FABP12: variants seen among roughly 807,000 people sequenced by gnomAD.
The protein encoded by FABP12 is fatty acid-binding protein 12.
FABP12 carries 19 observed loss-of-function variants against 13.7 expected under a neutral mutation model. The ratio of observed to expected loss-of-function variants is 1.39; its 90% CI spans 0.97 to 2.04. The LOEUF (loss-of-function observed/expected upper bound fraction) is 2.04. Ranked by LOEUF, FABP12 falls within the 30% of genes most tolerant of loss-of-function variation. The probability of loss-of-function intolerance (pLI) is 0.00; values close to 1 mark genes in which losing one functional copy is unlikely to be tolerated. For missense variants in FABP12, 182 were observed against 164.2 expected (o/e 1.11, Z -0.59); for synonymous variants, 61 against 57.0 (o/e 1.07, Z -0.32).
At chr8:81,574,689 T>C (rs1810002049) in intron 1 of FABP12, among the ~76,000 whole-genome samples, 1 of 152,190 alleles carries the variant, frequency 6.6e-6, no homozygotes. Context: ...GCATTGTATT[T>C]TTCCAGGAAT....
At chr8:81,525,041 A>C (rs1198792171) in exon 5 of FABP12, 1 of 1,585,608 alleles carries the variant, frequency 6.3e-7, no homozygotes, top group Non-Finnish European at 8.6e-7. Context: ...CAGCTTGAGA[A>C]AGCCTTAAGA....
chr8:81,548,362 C>T (rs1380120114), intron 1 of FABP12, among the ~76,000 whole-genome samples: 2 of 152,062 alleles, frequency 1.3e-5, no homozygotes, highest in Non-Finnish European at 2.9e-5. Context: ...ATAAATAGAA[C>T]ACACTTAGAA....
chr8:81,530,009 AT>A (rs1392345316), intron 2 of FABP12, among the ~76,000 whole-genome samples: 2 of 152,154 alleles, frequency 1.3e-5, no homozygotes, highest in Non-Finnish European at 2.9e-5. Context: ...TTTGGTATGG[AT>A]TTTGCCAGAT....
chr8:81,548,434 G>C (rs1809473915), intron 1 of FABP12, among the ~76,000 whole-genome samples: 1 of 152,166 alleles, frequency 6.6e-6, no homozygotes, highest in Non-Finnish European at 1.5e-5. Context: ...CAAAGTGTTG[G>C]AGTTTACAAA....
chr8:81,552,837 G>T (rs528541115), intron 1 of FABP12, among the ~76,000 whole-genome samples: 2 of 152,214 alleles, frequency 1.3e-5, no homozygotes, highest in South Asian at 4.2e-4. Flanking sequence ...TTTTGGGCTT[G>T]GGAAACTGAG....
chr8:81,541,325 T>A (rs1201089206), intron 1 of FABP12, among the ~76,000 whole-genome samples: 3 of 152,190 alleles, frequency 2.0e-5, no homozygotes, highest in Non-Finnish European at 4.4e-5. Flanking sequence ...TTCAAAAGAT[T>A]TCTTTGGTGA....
intron 1 of FABP12, among the ~76,000 whole-genome samples, chr8:81,551,648 T>A (rs1462140434): frequency 1.3e-5 from 2 of 152,132 alleles, no homozygotes; most frequent in African/African-American, 4.8e-5. Context: ...CAAGAGACAC[T>A]TAAACCAAAA....
intron 1 of FABP12, among the ~76,000 whole-genome samples, chr8:81,550,575 G>A (rs1809508860): frequency 2.0e-5 from 3 of 152,130 alleles, no homozygotes; most frequent in Non-Finnish European, 2.9e-5. Context: ...GTTGGGTAAG[G>A]ATATGGTGAG....
intron 1 of FABP12, among the ~76,000 whole-genome samples, chr8:81,571,446 C>T (rs2130074524): frequency 6.6e-6 from 1 of 152,366 alleles, no homozygotes; most frequent in South Asian, 2.1e-4. Flanking sequence ...GCACAGGGGA[C>T]GCACTGCTGC....
chr8:81,534,672 G>C (rs1361824237), upstream of FABP12, among the ~76,000 whole-genome samples: 1 of 152,192 alleles, frequency 6.6e-6, no homozygotes, highest in South Asian at 2.1e-4. Context: ...TATGTAACAG[G>C]TGGCTCATGC....
At chr8:81,565,906 A>G (rs1277354250) in intron 1 of FABP12, among the ~76,000 whole-genome samples, 1 of 152,052 alleles carries the variant, frequency 6.6e-6, no homozygotes, top group Non-Finnish European at 1.5e-5. Context: ...AAATATTAAT[A>G]AAATCAACAA....
In FABP12 at chr8:81,544,117, T is replaced by C. The variant is rs371955216; in HGVS notation, c.-184-4374A>G. The stretch of plus-strand genomic sequence containing the variant: ...AGGTACAGAACTATGGGGAAAACTA[T>C]CATATAAGGAGGCATCAGAATAACA... On this transcript the variant is annotated intron_variant, in intron 1 of 5. Transcript: ENST00000692030. 1.5e-4 allele frequency among the ~76,000 whole-genome samples: 23 copies of C among 152,212 alleles called. No individual in the cohort carries two copies. In the South Asian group the frequency reaches 2.7e-3, roughly 18 times the overall value.
chr8:81,544,965 C>T (rs1809411606), intron 1 of FABP12, among the ~76,000 whole-genome samples: 1 of 152,148 alleles, frequency 6.6e-6, no homozygotes, highest in Non-Finnish European at 1.5e-5. Flanking sequence ...GATTTTATGG[C>T]CAATGGCGTA....
intron 1 of FABP12, among the ~76,000 whole-genome samples, chr8:81,587,661 G>A (rs927084495): frequency 6.6e-6 from 1 of 151,948 alleles, no homozygotes; most frequent in African/African-American, 2.4e-5. Context: ...GTATAGAAAT[G>A]CTACTAATTT....
In FABP12 at chr8:81,556,575, T is replaced by C. The variant is rs114147340; in HGVS notation, c.-184-16832A>G. Among the ~76,000 whole-genome samples, 1,409 of 151,866 alleles carry C rather than the reference T, an allele frequency of 9.3e-3. 14 individuals carry two copies. The highest frequency in any genetic ancestry group is 0.03 in the African/African-American group (1,256 of 41,466). On this transcript the variant is annotated intron_variant, in intron 1 of 5. Coordinates refer to the FABP12 transcript ENST00000692030. ...TAACTTTAATGGTAAAAGGCTTTTT[T>C]TGTCATCATTTTCTTCAAAAGAATA...
chr8:81,539,684 G>A (rs1034753824), exon 2 of FABP12, among the ~76,000 whole-genome samples: 1 of 152,132 alleles, frequency 6.6e-6, no homozygotes, highest in African/African-American at 2.4e-5. Flanking sequence ...TGGCTTGCTG[G>A]TGCTGTCTGC....
intron 1 of FABP12, among the ~76,000 whole-genome samples, chr8:81,580,952 T>G (rs920457414): frequency 5.9e-5 from 9 of 152,224 alleles, no homozygotes; most frequent in Non-Finnish European, 2.9e-5. Flanking sequence ...CCTGCTTCTC[T>G]AACATTTTTG....
chr8:81,587,198 T>C (rs1159847099), intron 1 of FABP12, among the ~76,000 whole-genome samples: 1 of 152,206 alleles, frequency 6.6e-6, no homozygotes, highest in African/African-American at 2.4e-5. Flanking sequence ...AACTGTAGCC[T>C]TGTAATATAG....
At chr8:81,557,817 T>G (rs1010097927) in intron 1 of FABP12, among the ~76,000 whole-genome samples, 4 of 152,246 alleles carry the variant, frequency 2.6e-5, no homozygotes, top group Non-Finnish European at 4.4e-5. Context: ...AAAAGCTTTT[T>G]TTTCCTGTAA....
Sources: allele counts gnomAD v4.1 joint callset (sites outside exome capture counted in the v4.1 genomes callset), GRCh38; gene constraint gnomAD v4.1.1; transcripts MANE v1.5; gene names NCBI Gene and HGNC (gene_info 2026-07-23, HGNC 2026-07-21).